Variants in CMKLR1 observed in about 807,000 individuals in gnomAD.
CMKLR1 encodes chemerin chemokine-like receptor 1.
In CMKLR1, 6 loss-of-function variants were observed where a neutral mutation model predicts 8.2. The ratio of observed to expected loss-of-function variants is 0.73; its 90% CI spans 0.40 to 1.44. CMKLR1 has a LOEUF of 1.44. Among genes scored for constraint, CMKLR1 ranks in the 40% most tolerant of loss-of-function variants. The pLI, the probability that CMKLR1 is intolerant of heterozygous loss-of-function variation, is 0.02. For synonymous variants in CMKLR1, 178 were observed against 181.2 expected (o/e 0.98, Z 0.14); for missense variants, 429 against 478.0 (o/e 0.90, Z 0.96).
intron 2 of CMKLR1, among the ~76,000 whole-genome samples, chr12:108,313,030 G>A (rs944670737): frequency 3.9e-5 from 6 of 152,230 alleles, no homozygotes; most frequent in Non-Finnish European, 8.8e-5. Flanking sequence ...GGAGTGCTCA[G>A]GCAGGCTCTG....
intron 1 of CMKLR1, among the ~76,000 whole-genome samples, chr12:108,338,421 G>A (rs144586543): frequency 2.6e-5 from 4 of 152,256 alleles, no homozygotes; most frequent in African/African-American, 4.8e-5. Flanking sequence ...TATTATTCTC[G>A]ACTTCACATC....
chr12:108,316,642 G>A (rs2137325494), intron 2 of CMKLR1, among the ~76,000 whole-genome samples: 1 of 152,326 alleles, frequency 6.6e-6, no homozygotes, highest in South Asian at 2.1e-4. Context: ...GTGTGGGCAG[G>A]GAGGGGCCCC....
intron 2 of CMKLR1, among the ~76,000 whole-genome samples, chr12:108,304,586 C>G (rs113022172): frequency 0.019 from 2,931 of 152,226 alleles, 102 homozygotes; most frequent in African/African-American, 0.066. Flanking sequence ...TCTCTCTCTC[C>G]CCCAGTCTCT....
chr12:108,335,918 G>T (rs1463242896), intron 1 of CMKLR1, among the ~76,000 whole-genome samples: 2 of 152,232 alleles, frequency 1.3e-5, no homozygotes, highest in Admixed American at 6.5e-5. Flanking sequence ...CATGCTGGGG[G>T]ATTGCTAACA....
intron 2 of CMKLR1, among the ~76,000 whole-genome samples, chr12:108,304,889 C>T (rs1891367965): frequency 1.3e-5 from 2 of 152,364 alleles, no homozygotes; most frequent in Admixed American, 1.3e-4. Flanking sequence ...AGGCCAAATG[C>T]AGGGGCTTTA....
chr12:108,294,818 T>TA (rs1891088543), intron 2 of CMKLR1, among the ~76,000 whole-genome samples: 2 of 152,222 alleles, frequency 1.3e-5, no homozygotes, highest in South Asian at 4.1e-4. Flanking sequence ...ACAAGGCTGC[T>TA]AATCAATGCT....
intron 2 of CMKLR1, among the ~76,000 whole-genome samples, chr12:108,302,539 C>A (rs1159313223): frequency 7.0e-6 from 1 of 142,682 alleles, no homozygotes; most frequent in African/African-American, 2.5e-5. Context: ...CAGCGTCCTA[C>A]AGAGGGTGGC....
At position 108,293,031 on chromosome 12, in the gene CMKLR1, A is replaced by G. The variant is rs1021087305; in HGVS notation, c.4-72T>C. 6 of 1,382,598 alleles carry G rather than the reference A, an allele frequency of 4.3e-6. No individual in the cohort carries two copies. The African/African-American group carries it at 8.7e-5, about 20-fold the overall frequency. 85.6% of individuals were successfully genotyped at this position (1,382,598 alleles called of 1,614,324 possible). ...TAAGAGGTTGACCAATACCAGCAAG[A>G]CCAACAATGTTCCCCCTGACTCTGA... On this transcript the variant is annotated intron_variant, in intron 3 of 3. Coordinates refer to ENST00000550402, the MANE Select transcript of CMKLR1 (RefSeq NM_001142343.2).
chr12:108,304,859 T>C (rs1183262226), intron 2 of CMKLR1, among the ~76,000 whole-genome samples: 1 of 152,124 alleles, frequency 6.6e-6, no homozygotes, highest in Non-Finnish European at 1.5e-5. Context: ...ACCACTAACC[T>C]CTTCCTGAAA....
intron 2 of CMKLR1, among the ~76,000 whole-genome samples, chr12:108,310,778 G>A (rs1375051203): frequency 6.6e-6 from 1 of 152,154 alleles, no homozygotes; most frequent in East Asian, 1.9e-4. Context: ...AGCTATGGTT[G>A]CCATGGTAAC....
At chr12:108,304,752 G>T (rs1254722328) in intron 2 of CMKLR1, among the ~76,000 whole-genome samples, 1 of 152,156 alleles carries the variant, frequency 6.6e-6, no homozygotes, top group African/African-American at 2.4e-5. Context: ...GACAGGCTCG[G>T]CTGCCCCTCA....
At chr12:108,293,694 G>T in intron 2 of CMKLR1, 30 bp from the exon 3 acceptor site, 1 of 1,120,512 alleles carries the variant, frequency 8.9e-7, no homozygotes, top group Admixed American at 2.4e-5. Flanking sequence ...AAAAAAAGCA[G>T]CAATTGGATC....
rs1891077232 is a variant in CMKLR1 at position 108,294,477 on chromosome 12, T to C, written c.-73-813A>G. ...AGGCAGTGATCACATGCAGGGTTCA[T>C]ACCTAACCCCGGACACTTATGAGCT... On this transcript the variant is annotated intron_variant, in intron 2 of 3. Transcript: ENST00000550402. Among the ~76,000 whole-genome samples the C allele has an allele frequency of 1.3e-5, 2 of 152,204 alleles. 1 individual carries two copies. The highest frequency in any genetic ancestry group is 2.9e-5 in the Non-Finnish European group (2 of 68,036).
chr12:108,299,959 C>G (rs1165572832), intron 2 of CMKLR1, among the ~76,000 whole-genome samples: 1 of 152,196 alleles, frequency 6.6e-6, no homozygotes, highest in African/African-American at 2.4e-5. Flanking sequence ...TCCTGCTCAC[C>G]CATGTGGGGC....
Position 108,289,485 on chromosome 12 carries a change from T to C in CMKLR1, c.*2356A>G, listed in dbSNP as rs958211582. ...TAAGGAGGAAAACAGCCGGTTTGAATTGTGCTCCTGTTTATCAGCTTTTCC... is the reference window on the plus strand; with the variant it reads ...TAAGGAGGAAAACAGCCGGTTTGAACTGTGCTCCTGTTTATCAGCTTTTCC... On this transcript the variant is annotated 3_prime_UTR_variant, in exon 4 of 4. Coordinates refer to ENST00000550402, the MANE Select transcript of CMKLR1 (RefSeq NM_001142343.2). 3.3e-5 allele frequency: 5 copies of C among 152,204 alleles called. No individual in the cohort carries two copies. Among genetic ancestry groups the C allele is most frequent in the Admixed American group, 2.6e-4 (4 of 15,284 alleles). 9.4% of individuals were successfully genotyped at this position (152,204 alleles called of 1,614,324 possible).
At chr12:108,322,145 G>A (rs1270196600) in intron 2 of CMKLR1, among the ~76,000 whole-genome samples, 3 of 152,198 alleles carry the variant, frequency 2.0e-5, no homozygotes, top group Non-Finnish European at 4.4e-5. Context: ...TTCTAAATGT[G>A]GAGGGAGAAG....
chr12:108,313,711 C>T (rs919259433), intron 2 of CMKLR1, among the ~76,000 whole-genome samples: 7 of 152,250 alleles, frequency 4.6e-5, no homozygotes, highest in African/African-American at 1.7e-4. Flanking sequence ...CTCAAACAAA[C>T]ATGCCCTTTG....
At chr12:108,310,061 T>C (rs1461581232) in intron 2 of CMKLR1, among the ~76,000 whole-genome samples, 1 of 152,040 alleles carries the variant, frequency 6.6e-6, no homozygotes, top group African/African-American at 2.4e-5. Context: ...AGGTGGCATT[T>C]GAGCTGAGCC....
chr12:108,314,107 T>C (rs945073670), intron 2 of CMKLR1, among the ~76,000 whole-genome samples: 3 of 152,234 alleles, frequency 2.0e-5, no homozygotes, highest in Non-Finnish European at 4.4e-5. Flanking sequence ...CACTTAATTA[T>C]TGGCGTGATG....
Sources: gnomAD v4.1 joint callset for allele counts (sites outside exome capture counted in the v4.1 genomes callset) on GRCh38, gnomAD v4.1.1 for gene constraint, MANE v1.5 for transcripts, NCBI Gene and HGNC (gene_info 2026-07-23, HGNC 2026-07-21) for gene names.